PPP2R1B: variants seen among roughly 807,000 people sequenced by gnomAD.
PPP2R1B encodes the protein serine/threonine-protein phosphatase 2A 65 kDa regulatory subunit A beta isoform.
PPP2R1B carries 58 observed loss-of-function variants against 72.7 expected under a neutral mutation model. That is an observed-to-expected ratio of 0.80 (90% CI 0.65 to 0.99). PPP2R1B has a LOEUF of 0.99. Among genes scored for constraint, PPP2R1B ranks in the 50% least tolerant of loss-of-function variants. PPP2R1B has a pLI of 0.00. For missense variants in PPP2R1B, 695 were observed against 733.6 expected (o/e 0.95, Z 0.61); for synonymous variants, 256 against 264.6 (o/e 0.97, Z 0.32).
the PPP2R1B span, among the ~76,000 whole-genome samples, chr11:111,694,810 T>TC: frequency 6.6e-6 from 1 of 152,314 alleles, no homozygotes; most frequent in South Asian, 2.1e-4. Flanking sequence ...GATTTTTTTT[T>TC]CCCTCTTCAT....
At chr11:111,692,802 A>T in the PPP2R1B span, among the ~76,000 whole-genome samples, 15 of 151,786 alleles carry the variant, frequency 9.9e-5, no homozygotes, top group Admixed American at 2.6e-4. Flanking sequence ...CCCTCAAATT[A>T]TACTTTTTTC....
the PPP2R1B span, among the ~76,000 whole-genome samples, chr11:111,711,121 A>ATT: frequency 9.8e-4 from 141 of 143,976 alleles, no homozygotes; most frequent in African/African-American, 3.1e-3. Context: ...CTTTTAAATG[A>ATT]TTTTTTTTTT....
At chr11:111,697,240 A>G in the PPP2R1B span, among the ~76,000 whole-genome samples, 1 of 152,224 alleles carries the variant, frequency 6.6e-6, no homozygotes, top group Non-Finnish European at 1.5e-5. Flanking sequence ...CTAAGAAGAA[A>G]TTATCTTCAG....
downstream of PPP2R1B, chr11:111,723,630 C>A: frequency 6.2e-7 from 1 of 1,613,772 alleles, no homozygotes; most frequent in Non-Finnish European, 8.5e-7. Flanking sequence ...ACTCCACCGC[C>A]TTCTCAGCAG....
intron 11 of PPP2R1B, among the ~76,000 whole-genome samples, chr11:111,745,466 C>G (rs1944675709): frequency 6.6e-6 from 1 of 152,192 alleles, no homozygotes; most frequent in Non-Finnish European, 1.5e-5. Context: ...ATAGCCTTGA[C>G]CAAGACCTTA....
downstream of PPP2R1B, chr11:111,737,593 G>GT (rs776565987): frequency 2.5e-6 from 4 of 1,614,042 alleles, no homozygotes; most frequent in Non-Finnish European, 3.4e-6. Context: ...CAGTGGCGCT[G>GT]TAACTGTCCC....
At chr11:111,747,811 A>G (rs1944757913) in intron 11 of PPP2R1B, 143 bp downstream of exon 11, 1 of 657,744 alleles carries the variant, frequency 1.5e-6, no homozygotes, top group Non-Finnish European at 2.4e-6. Context: ...TTATATTCAG[A>G]AGATTAAACT....
chr11:111,757,793 C>A lies in PPP2R1B; in HGVS notation c.687+2011G>T, dbSNP rs186481925. 1.1e-3 allele frequency among the ~76,000 whole-genome samples: 171 copies of A among 150,792 alleles called. 2 individuals carry two copies. In the Middle Eastern group the frequency reaches 0.024, roughly 21 times the overall value. ...GGGGTTGCAGTGAGCTGGGATCATG[C>A]CATTGTACTCCAGCCTGGGCGACAG... On this transcript the variant is annotated intron_variant, in intron 5 of 14. Transcript: ENST00000527614.
chr11:111,702,734 G>A, the PPP2R1B span, among the ~76,000 whole-genome samples: 1 of 152,222 alleles, frequency 6.6e-6, no homozygotes, highest in Admixed American at 6.5e-5. Context: ...GGTGTAGTCA[G>A]AAGTAAGTAA....
At chr11:111,721,010 A>G in the PPP2R1B span, 4 of 1,614,142 alleles carry the variant, frequency 2.5e-6, no homozygotes, top group Admixed American at 1.7e-5. Flanking sequence ...GCAGACCCTA[A>G]CCTGGCGCCG....
downstream of PPP2R1B, chr11:111,725,099 A>G (rs938929056): frequency 6.6e-6 from 1 of 152,670 alleles, no homozygotes; most frequent in African/African-American, 2.4e-5. Flanking sequence ...GGACAGTTTC[A>G]TATAGGGCTT....
chr11:111,748,302 A>G (rs577389787), intron 10 of PPP2R1B, among the ~76,000 whole-genome samples: 9 of 152,382 alleles, frequency 5.9e-5, no homozygotes, highest in African/African-American at 1.9e-4. Flanking sequence ...GGAAGAATGC[A>G]CTGTGTATGG....
Position 111,739,553 on chromosome 11 carries a change from C to T in PPP2R1B, c.*2043G>A, listed in dbSNP as rs1447123663. 1.0e-6 allele frequency: 1 copy of T among 985,318 alleles called. No homozygotes were observed. The highest frequency in any genetic ancestry group is 1.2e-6 in the Non-Finnish European group (1 of 829,958). 61.0% of individuals were successfully genotyped at this position (985,318 alleles called of 1,614,324 possible). On this transcript the variant is annotated 3_prime_UTR_variant, in exon 15 of 15. Coordinates refer to ENST00000527614, the MANE Select transcript of PPP2R1B (RefSeq NM_002716.5). ...TTGAGAAAGCCAGGGCCCACTCTCC[C>T]TCTCTCAAACAGTTTTAGGGTAGAG... is the stretch of plus-strand genomic sequence containing the variant.
the PPP2R1B span, among the ~76,000 whole-genome samples, chr11:111,715,389 C>A: frequency 6.6e-6 from 1 of 152,192 alleles, no homozygotes; most frequent in Non-Finnish European, 1.5e-5. Context: ...CTGTAACACC[C>A]ATTTGTTGTT....
At chr11:111,723,810 AGCAGCC>A, downstream of PPP2R1B, 1 of 1,612,614 alleles carries the variant, frequency 6.2e-7, no homozygotes, top group African/African-American at 1.3e-5. Context: ...CTACAGCAGC[AGCAGCC>A]GCCACCGCCA....
chr11:111,697,442 A>G, the PPP2R1B span, among the ~76,000 whole-genome samples: 1 of 152,318 alleles, frequency 6.6e-6, no homozygotes, highest in East Asian at 1.9e-4. Context: ...TAAGTAAAAT[A>G]ATAAATAATA....
intron 4 of PPP2R1B, among the ~76,000 whole-genome samples, 176 bp from the exon 5 acceptor site, chr11:111,760,127 T>A (rs1555050857): frequency 5.9e-5 from 9 of 152,186 alleles, no homozygotes; most frequent in Admixed American, 5.2e-4. Context: ...AATGACATCA[T>A]AGGCCAGGCA....
the PPP2R1B span, among the ~76,000 whole-genome samples, chr11:111,694,230 G>GT: frequency 1.3e-5 from 2 of 152,080 alleles, no homozygotes; most frequent in Admixed American, 6.5e-5. Context: ...CTCTCGGCAT[G>GT]TTTTTTTAAT....
chr11:111,734,415 A>C (rs1944282288), downstream of PPP2R1B, among the ~76,000 whole-genome samples: 1 of 152,230 alleles, frequency 6.6e-6, no homozygotes, highest in Non-Finnish European at 1.5e-5. Flanking sequence ...CACAGGTAGG[A>C]GGACTTTTTT....
Sources: gnomAD v4.1 joint callset for allele counts (sites outside exome capture counted in the v4.1 genomes callset) on GRCh38, gnomAD v4.1.1 for gene constraint, MANE v1.5 for transcripts, NCBI Gene and HGNC (gene_info 2026-07-23, HGNC 2026-07-21) for gene names.